RARB: variants seen among roughly 807,000 people sequenced by gnomAD.
RARB encodes HBV-activated protein.
In RARB, 17 loss-of-function variants were observed where a neutral mutation model predicts 51.9. That is an observed-to-expected ratio of 0.33 (90% CI 0.22 to 0.49). The LOEUF is 0.49. RARB is among the 20% of genes least tolerant of loss of function. The pLI is 0.99. For missense variants in RARB, 369 were observed against 550.8 expected (o/e 0.67, Z 3.30); for synonymous variants, 215 against 195.4 (o/e 1.10, Z -0.84).
chr3:24,846,715 A>G (rs1702489909), intron 1 of RARB, among the ~76,000 whole-genome samples: 1 of 152,162 alleles, frequency 6.6e-6, no homozygotes. Context: ...CCTGGAGAGA[A>G]CAGAAGACCT....
At chr3:25,154,342 G>C (rs1418464419) in intron 4 of RARB, among the ~76,000 whole-genome samples, 1 of 152,222 alleles carries the variant, frequency 6.6e-6, no homozygotes, top group Non-Finnish European at 1.5e-5. Flanking sequence ...TATAAAACCA[G>C]AATTCTGGAG....
At chr3:24,890,178 C>T (rs777590532) in intron 2 of RARB, among the ~76,000 whole-genome samples, 3 of 152,252 alleles carry the variant, frequency 2.0e-5, no homozygotes, top group South Asian at 2.1e-4. Flanking sequence ...TCTAAAAGCA[C>T]GAGTCTTTAA....
chr3:25,485,057 C>G (rs2125585881), intron 2 of RARB, among the ~76,000 whole-genome samples: 1 of 152,266 alleles, frequency 6.6e-6, no homozygotes, highest in South Asian at 2.1e-4. Context: ...TCAAAACACT[C>G]TCTTTGCCTC....
At chr3:25,011,866 G>A (rs969108215) in intron 2 of RARB, among the ~76,000 whole-genome samples, 4 of 152,026 alleles carry the variant, frequency 2.6e-5, no homozygotes, top group African/African-American at 9.7e-5. Context: ...CATGGAGTTT[G>A]TCAGAGCTCT....
At chr3:24,907,332 A>G (rs1694888732) in intron 2 of RARB, among the ~76,000 whole-genome samples, 1 of 152,184 alleles carries the variant, frequency 6.6e-6, no homozygotes, top group Non-Finnish European at 1.5e-5. Flanking sequence ...ATTTTTGACA[A>G]TTCCCTAAGT....
chr3:25,348,837 T>G (rs1169161854), intron 5 of RARB, among the ~76,000 whole-genome samples: 1 of 152,230 alleles, frequency 6.6e-6, no homozygotes, highest in African/African-American at 2.4e-5. Flanking sequence ...CCAAAGTTTC[T>G]GATTAAGTCG....
rs536389091 is a variant in RARB at position 25,275,148 on chromosome 3, G to C, written c.178+100573G>C. Among the ~76,000 whole-genome samples, 7 of 152,252 alleles carry C rather than the reference G, an allele frequency of 4.6e-5. 1 individual carries two copies. Among genetic ancestry groups the C allele is most frequent in the African/African-American group, 1.7e-4 (7 of 41,550 alleles). ...TAGTGGTGACCACATCATACCCACA[G>C]ACTCTCCGTGAGCACCTCTTAACCC... On this transcript the variant is annotated intron_variant, in intron 5 of 11. Coordinates refer to the RARB transcript ENST00000383772.
chr3:24,876,814 A>C (rs1450351665), intron 2 of RARB, among the ~76,000 whole-genome samples: 3 of 152,170 alleles, frequency 2.0e-5, no homozygotes, highest in Admixed American at 1.3e-4. Flanking sequence ...AATTAGAAAA[A>C]CAGAGTTTAG....
intron 4 of RARB, among the ~76,000 whole-genome samples, chr3:25,153,701 T>C (rs774859885): frequency 2.6e-5 from 4 of 152,244 alleles, no homozygotes; most frequent in Non-Finnish European, 2.9e-5. Flanking sequence ...ATGCATATTA[T>C]GTACTCACTG....
chr3:25,492,573 G>A lies in RARB; in HGVS notation c.307-8609G>A, dbSNP rs1696791545. 2.0e-5 allele frequency among the ~76,000 whole-genome samples: 3 copies of A among 152,198 alleles called. No homozygotes were observed. The South Asian group carries it at 6.2e-4, about 31-fold the overall frequency. On this transcript the variant is annotated intron_variant, in intron 2 of 7. Coordinates refer to ENST00000330688, the MANE Select transcript of RARB (RefSeq NM_000965.5). ...TAATTAATTGGGGATTAAAAGGATT[G>A]AGAGCTGTGGTCTCTGGGTCTAACA... is the stretch of plus-strand genomic sequence containing the variant.
At chr3:25,217,297 G>C (rs770563509) in intron 5 of RARB, among the ~76,000 whole-genome samples, 2 of 152,054 alleles carry the variant, frequency 1.3e-5, no homozygotes, top group Non-Finnish European at 2.9e-5. Context: ...TTTCAAAAAG[G>C]TGGCCATTTT....
At chr3:25,503,724 A>G (rs1697427634) in intron 3 of RARB, among the ~76,000 whole-genome samples, 1 of 152,232 alleles carries the variant, frequency 6.6e-6, no homozygotes, top group Admixed American at 6.5e-5. Context: ...GTCTAATTGG[A>G]TATTTTTAAA....
chr3:25,497,136 T>G (rs1697079833), intron 2 of RARB, among the ~76,000 whole-genome samples: 1 of 152,144 alleles, frequency 6.6e-6, no homozygotes, highest in Admixed American at 6.5e-5. Flanking sequence ...CCGCCCACCT[T>G]GGCCTCCCAA....
chr3:25,237,011 C>A (rs114728944), intron 5 of RARB, among the ~76,000 whole-genome samples: 2,776 of 147,244 alleles, frequency 0.019, 98 homozygotes, highest in African/African-American at 0.061. Flanking sequence ...AGAACTGAGT[C>A]AGTCAACTGT....
At chr3:25,284,509 T>G (rs867801653) in intron 5 of RARB, among the ~76,000 whole-genome samples, 52 of 152,290 alleles carry the variant, frequency 3.4e-4, no homozygotes, top group African/African-American at 1.1e-3. Flanking sequence ...TCAAATATTT[T>G]TATTACTCAA....
intron 2 of RARB, among the ~76,000 whole-genome samples, chr3:24,943,862 A>G (rs1185727600): frequency 6.6e-6 from 1 of 152,184 alleles, no homozygotes; most frequent in African/African-American, 2.4e-5. Context: ...TCATTATGTC[A>G]TGGAGGCTGA....
chr3:25,484,043 C>T (rs1166307850), intron 2 of RARB, among the ~76,000 whole-genome samples: 2 of 152,102 alleles, frequency 1.3e-5, no homozygotes, highest in African/African-American at 4.8e-5. Context: ...TATTTTCTAC[C>T]AAAATGTTCC....
intron 5 of RARB, among the ~76,000 whole-genome samples, chr3:25,270,717 C>T (rs1055166053): frequency 2.0e-5 from 3 of 152,158 alleles, no homozygotes; most frequent in African/African-American, 7.2e-5. Flanking sequence ...CTCACGGTAT[C>T]CCTTGAAGTA....
chr3:24,989,790 T>C (rs1259069660), intron 2 of RARB, among the ~76,000 whole-genome samples: 1,006 of 22,868 alleles, frequency 0.044, 290 homozygotes, highest in African/African-American at 0.18. Flanking sequence ...TTTTTTTTTT[T>C]TTTTTTTTTT....
Sources: allele counts gnomAD v4.1 joint callset (sites outside exome capture counted in the v4.1 genomes callset), GRCh38; gene constraint gnomAD v4.1.1; transcripts MANE v1.5; gene names NCBI Gene and HGNC (gene_info 2026-07-23, HGNC 2026-07-21).